GPR39: variants seen among roughly 807,000 people sequenced by gnomAD.
GPR39 encodes the protein G protein-coupled receptor 39.
GPR39 carries 23 observed loss-of-function variants against 18.4 expected under a neutral mutation model. The ratio of observed to expected loss-of-function variants is 1.25; its 90% CI spans 0.90 to 1.77. The LOEUF (loss-of-function observed/expected upper bound fraction) is 1.77. Among genes scored for constraint, GPR39 ranks in the 40% most tolerant of loss-of-function variants. GPR39 has a pLI of 0.00. For synonymous variants in GPR39, 280 were observed against 257.9 expected, an observed-to-expected ratio of 1.09 and a Z score of -0.82; for missense variants, 647 against 602.4, an observed-to-expected ratio of 1.07 and a Z score of -0.78.
intron 1 of GPR39, among the ~76,000 whole-genome samples, chr2:132,552,309 C>A (rs539071230): frequency 3.3e-5 from 5 of 152,188 alleles, no homozygotes; most frequent in African/African-American, 9.6e-5. Context: ...TCATGGCTTG[C>A]TGCTGTCCTC....
chr2:132,531,836 A>G (rs1448361547), intron 1 of GPR39, among the ~76,000 whole-genome samples: 1 of 152,254 alleles, frequency 6.6e-6, no homozygotes, highest in Non-Finnish European at 1.5e-5. Context: ...AATCTCTGGG[A>G]CACATTCAAA....
intron 1 of GPR39, among the ~76,000 whole-genome samples, chr2:132,570,999 G>A (rs1680433067): frequency 6.6e-6 from 1 of 152,196 alleles, no homozygotes; most frequent in Non-Finnish European, 1.5e-5. Flanking sequence ...TCTGCTCAGT[G>A]CGCTGTAGGG....
In GPR39 at chr2:132,558,770, A is replaced by G. The variant is rs571599864; in HGVS notation, c.857-86331A>G. 6.1e-4 allele frequency among the ~76,000 whole-genome samples: 93 copies of G among 152,332 alleles called. 1 individual carries two copies. Among genetic ancestry groups the G allele is most frequent in the African/African-American group, 1.9e-3 (79 of 41,584 alleles). ...GCATTAGTGACCAGCCATGAATCCC[A>G]GATTTGGAAAGGACGACTCCTAAGA... On this transcript the variant is annotated intron_variant, in intron 1 of 1. Transcript: ENST00000329321.
At chr2:132,493,440 C>A (rs1365373055) in intron 1 of GPR39, among the ~76,000 whole-genome samples, 1 of 144,654 alleles carries the variant, frequency 6.9e-6, no homozygotes, top group Non-Finnish European at 1.5e-5. Flanking sequence ...TATACACACA[C>A]CATATATATA....
intron 1 of GPR39, among the ~76,000 whole-genome samples, chr2:132,500,698 C>G (rs1197339926): frequency 1.2e-4 from 18 of 152,132 alleles, no homozygotes; most frequent in Admixed American, 1.2e-3. Context: ...AGCTGTGATT[C>G]TATCTAGTCC....
intron 1 of GPR39, among the ~76,000 whole-genome samples, chr2:132,422,359 G>T (rs905129854): frequency 5.9e-5 from 9 of 152,164 alleles, no homozygotes; most frequent in African/African-American, 1.9e-4. Context: ...TACCCTGTGT[G>T]CAGGCCATAA....
At chr2:132,456,213 C>G (rs1015475556) in intron 1 of GPR39, among the ~76,000 whole-genome samples, 8 of 151,980 alleles carry the variant, frequency 5.3e-5, no homozygotes, top group African/African-American at 1.9e-4. Flanking sequence ...TTGAATTGAT[C>G]CCTTTACCAT....
rs575097065 is a variant in GPR39, at chr2:132,500,621, C to T, written c.856+82723C>T. Among the ~76,000 whole-genome samples the T allele has an allele frequency of 5.9e-5, 9 of 152,090 alleles. No homozygotes were observed. The East Asian group carries it at 1.7e-3, about 29-fold the overall frequency. ...ATGACTTAGGGAGGATTCCCTTTTT[C>T]CTCTATCTTTTGAAATAGTGTCAAC... On this transcript the variant is annotated intron_variant, in intron 1 of 1. Transcript: ENST00000329321.
chr2:132,441,862 C>T (rs1049685813), intron 1 of GPR39, among the ~76,000 whole-genome samples: 4 of 152,190 alleles, frequency 2.6e-5, no homozygotes, highest in Admixed American at 1.3e-4. Flanking sequence ...GCTCTTCACG[C>T]AGAGGGGAGA....
intron 1 of GPR39, among the ~76,000 whole-genome samples, chr2:132,463,025 ATTTC>A (rs1680861467): frequency 1.3e-5 from 2 of 152,160 alleles, no homozygotes; most frequent in African/African-American, 4.8e-5. Flanking sequence ...TCATTCATGT[ATTTC>A]TTCATTTGTT....
At chr2:132,610,892 G>T (rs1681228826) in intron 1 of GPR39, among the ~76,000 whole-genome samples, 1 of 152,080 alleles carries the variant, frequency 6.6e-6, no homozygotes, top group Non-Finnish European at 1.5e-5. Flanking sequence ...CAGCATGCTG[G>T]AAGGGAAAAG....
chr2:132,577,293 G>C (rs1169937685), intron 1 of GPR39, among the ~76,000 whole-genome samples: 1 of 152,006 alleles, frequency 6.6e-6, no homozygotes, highest in Non-Finnish European at 1.5e-5. Flanking sequence ...GGAGGTGGAG[G>C]TTGCAGTGAG....
chr2:132,593,218 C>G (rs760598137), intron 1 of GPR39, among the ~76,000 whole-genome samples: 1 of 152,098 alleles, frequency 6.6e-6, no homozygotes, highest in South Asian at 2.1e-4. Flanking sequence ...CTTCAGTGGC[C>G]AGTGTTCACT....
At chr2:132,508,182 T>C (rs1679170879) in intron 1 of GPR39, among the ~76,000 whole-genome samples, 1 of 152,096 alleles carries the variant, frequency 6.6e-6, no homozygotes, top group Non-Finnish European at 1.5e-5. Context: ...CTTGGAATAA[T>C]GAAGACACTC....
At chr2:132,545,653 G>GGTGTGTGTGTGT (rs5834318) in intron 1 of GPR39, among the ~76,000 whole-genome samples, 2,751 of 134,734 alleles carry the variant, frequency 0.02, 82 homozygotes, top group African/African-American at 0.064. Context: ...ATGTGTGATG[G>GGTGTGTGTGTGT]GCGTGTGTGT....
chr2:132,500,389 TTATA>T (rs1167690880), intron 1 of GPR39, among the ~76,000 whole-genome samples: 1 of 152,218 alleles, frequency 6.6e-6, no homozygotes, highest in African/African-American at 2.4e-5. Context: ...ACTTATTGAC[TTATA>T]TATGTTGAAA....
At chr2:132,553,365 A>G (rs559215041) in intron 1 of GPR39, among the ~76,000 whole-genome samples, 30 of 150,252 alleles carry the variant, frequency 2.0e-4, no homozygotes, top group African/African-American at 7.3e-4. Flanking sequence ...ATATGTATAT[A>G]TGTATATATG....
intron 1 of GPR39, among the ~76,000 whole-genome samples, chr2:132,579,980 C>T (rs1680595278): frequency 6.6e-6 from 1 of 152,138 alleles, no homozygotes; most frequent in Admixed American, 6.5e-5. Flanking sequence ...GAAACATTGG[C>T]TTCATTCATT....
chr2:132,457,818 G>A (rs139221629), intron 1 of GPR39, among the ~76,000 whole-genome samples: 2 of 152,208 alleles, frequency 1.3e-5, no homozygotes, highest in Non-Finnish European at 2.9e-5. Context: ...ACTTTGTTTA[G>A]TTACTCAAGC....
Sources: allele counts gnomAD v4.1 joint callset (sites outside exome capture counted in the v4.1 genomes callset), GRCh38; gene constraint gnomAD v4.1.1; transcripts MANE v1.5; gene names NCBI Gene and HGNC (gene_info 2026-07-23, HGNC 2026-07-21).